PARD3B: variants seen among roughly 807,000 people sequenced by gnomAD.
PARD3B encodes the protein par-3 family cell polarity regulator beta.
In PARD3B, 103 loss-of-function variants were observed where a neutral mutation model predicts 130.2. That is an observed-to-expected ratio of 0.79 (90% CI 0.67 to 0.93). The LOEUF (loss-of-function observed/expected upper bound fraction) is 0.93, where lower values mean the gene tolerates loss of function less well. Among genes scored for constraint, PARD3B ranks in the 40% least tolerant of loss-of-function variants. The pLI, the probability that PARD3B is intolerant of heterozygous loss-of-function variation, is 0.00. For missense variants in PARD3B, 1,609 were observed against 1,499.2 expected (o/e 1.07, Z -1.21); for synonymous variants, 583 against 553.2 (o/e 1.05, Z -0.76).
At chr2:205,302,045 C>A (rs950880261) in intron 18 of PARD3B, 84 of 232,458 alleles carry the variant, frequency 3.6e-4, no homozygotes, top group Non-Finnish European at 5.9e-4. Flanking sequence ...AGACCCTATT[C>A]TTTTTTTCTT....
chr2:205,158,513 T>A lies in PARD3B; in HGVS notation c.1435-209T>A, dbSNP rs1367682757. On this transcript the variant is annotated intron_variant, in intron 10 of 22. Transcript: ENST00000406610. The surrounding 1 kb of genome is among the most constrained non-coding windows in gnomAD (Gnocchi z 5.4). ...TCTATTGACCATTACCGAATAGTATTCCCTGAAACCTCTTCCCCTGCTCCA... is the reference window on the plus strand; with the variant it reads ...TCTATTGACCATTACCGAATAGTATACCCTGAAACCTCTTCCCCTGCTCCA... Among the ~76,000 whole-genome samples the A allele has an allele frequency of 6.6e-6, 1 of 152,168 alleles. No homozygotes were observed. The highest frequency in any genetic ancestry group is 1.5e-5 in the Non-Finnish European group (1 of 68,026).
At chr2:204,968,607 G>A (rs1691449584) in intron 3 of PARD3B, among the ~76,000 whole-genome samples, 2 of 152,342 alleles carry the variant, frequency 1.3e-5, no homozygotes, top group South Asian at 4.1e-4. Context: ...TGCCTTTGCA[G>A]ATACTGTTCT....
chr2:204,607,924 C>A (rs976407202), intron 1 of PARD3B, among the ~76,000 whole-genome samples: 1 of 152,130 alleles, frequency 6.6e-6, no homozygotes, highest in Non-Finnish European at 1.5e-5. Flanking sequence ...TTATTAAGGA[C>A]TTGGACCCCT....
rs6718851 is a variant in PARD3B at position 205,183,990 on chromosome 2, G to A, written c.1925-1774G>A. On this transcript the variant is annotated intron_variant, in intron 13 of 22. Transcript: ENST00000406610. The surrounding 1 kb of genome is among the most constrained non-coding windows in gnomAD (Gnocchi z 5.2). ...ACTGATGTTTCCGTTTGGGTCTGAA[G>A]ATAGAAAAAAGCCAATGTCCCATGT... 0.023 allele frequency among the ~76,000 whole-genome samples: 3,380 copies of A among 149,268 alleles called. 127 individuals are homozygous for A. Among genetic ancestry groups the A allele is most frequent in the African/African-American group, 0.076 (3,152 of 41,332 alleles).
intron 2 of PARD3B, among the ~76,000 whole-genome samples, chr2:204,868,658 T>A (rs1361143295): frequency 6.6e-6 from 1 of 152,188 alleles, no homozygotes; most frequent in Admixed American, 6.5e-5. Context: ...CTACTTTTAG[T>A]GAATTACACA....
chr2:204,833,570 A>C (rs1461609761), intron 2 of PARD3B, among the ~76,000 whole-genome samples: 2 of 152,096 alleles, frequency 1.3e-5, no homozygotes, highest in Non-Finnish European at 1.5e-5. Context: ...TAGTTGAATC[A>C]TGGGTGTGGG....
At chr2:204,721,623 G>A (rs373758025) in intron 2 of PARD3B, among the ~76,000 whole-genome samples, 11 of 152,006 alleles carry the variant, frequency 7.2e-5, no homozygotes, top group African/African-American at 2.4e-4. Context: ...AGCATTTTTC[G>A]TGGTGTCAAA....
chr2:205,573,651 C>T (rs1293668113), intron 22 of PARD3B, among the ~76,000 whole-genome samples: 1 of 152,168 alleles, frequency 6.6e-6, no homozygotes, highest in Non-Finnish European at 1.5e-5. Flanking sequence ...ATGCAGGTGC[C>T]TCCAAACTGA....
chr2:205,302,234 C>T (rs1479542375), intron 18 of PARD3B, among the ~76,000 whole-genome samples: 1 of 151,736 alleles, frequency 6.6e-6, no homozygotes, highest in Non-Finnish European at 1.5e-5. Flanking sequence ...ACGCCCAGCT[C>T]ATTTTTGTAT....
At chr2:205,020,709 TGTCGAA>T in intron 3 of PARD3B, among the ~76,000 whole-genome samples, 1 of 152,286 alleles carries the variant, frequency 6.6e-6, no homozygotes, top group South Asian at 2.1e-4. Context: ...CTCTGTGTGT[TGTCGAA>T]GTCAGATGGC....
intron 4 of PARD3B, among the ~76,000 whole-genome samples, chr2:205,057,529 A>G (rs1699759095): frequency 2.7e-5 from 4 of 146,542 alleles, no homozygotes; most frequent in African/African-American, 7.5e-5. Context: ...ATGTGTATAT[A>G]TACATATATG....
At chr2:205,248,646 C>T (rs539163719) in intron 16 of PARD3B, among the ~76,000 whole-genome samples, 231 of 134,840 alleles carry the variant, frequency 1.7e-3, no homozygotes, top group African/African-American at 6.1e-3. Context: ...TGGCTCTGTC[C>T]GCCAGGCTGG....
At chr2:204,895,054 AC>A (rs1300994904) in intron 2 of PARD3B, among the ~76,000 whole-genome samples, 1 of 115,882 alleles carries the variant, frequency 8.6e-6, no homozygotes, top group Non-Finnish European at 1.7e-5. Context: ...AGAAAGACCT[AC>A]CAAAAAAAAC....
intron 11 of PARD3B, among the ~76,000 whole-genome samples, chr2:205,169,809 GTA>G (rs2035043209): frequency 6.6e-6 from 1 of 152,056 alleles, no homozygotes; most frequent in African/African-American, 2.4e-5. Context: ...ACGATTTTTA[GTA>G]ACAAGATTCA....
intron 15 of PARD3B, among the ~76,000 whole-genome samples, chr2:205,216,293 T>C (rs2037906329): frequency 6.6e-6 from 1 of 152,144 alleles, no homozygotes; most frequent in Admixed American, 6.6e-5. Context: ...GTACGTGTTA[T>C]GATGTTCACA....
At chr2:204,849,382 C>T (rs527409105) in intron 2 of PARD3B, among the ~76,000 whole-genome samples, 1 of 152,322 alleles carries the variant, frequency 6.6e-6, no homozygotes, top group South Asian at 2.1e-4. Flanking sequence ...AACAGCCATT[C>T]AGCATTGCTG....
intron 1 of PARD3B, among the ~76,000 whole-genome samples, chr2:204,635,689 A>G (rs1026976816): frequency 8.5e-5 from 13 of 152,200 alleles, no homozygotes; most frequent in Admixed American, 5.2e-4. Flanking sequence ...ACATCCTGGG[A>G]TATGTGGTTC....
intron 2 of PARD3B, 136 bp from the exon 3 acceptor site, chr2:204,965,015 TG>T: frequency 1.5e-6 from 1 of 654,082 alleles, no homozygotes; most frequent in Non-Finnish European, 2.5e-6. Context: ...TTAAGAGTTG[TG>T]GTATAGTAAC....
At chr2:205,505,182 T>C (rs1005751193) in intron 21 of PARD3B, among the ~76,000 whole-genome samples, 6 of 151,484 alleles carry the variant, frequency 4.0e-5, no homozygotes, top group Non-Finnish European at 5.9e-5. Context: ...TAGGTGGGAA[T>C]TGAACAATGA....
Sources: allele counts gnomAD v4.1 joint callset (sites outside exome capture counted in the v4.1 genomes callset), GRCh38; gene constraint gnomAD v4.1.1; non-coding constraint Gnocchi (gnomAD v3.1); transcripts MANE v1.5; gene names NCBI Gene and HGNC (gene_info 2026-07-23, HGNC 2026-07-21).